CTNNA2: variants seen among roughly 807,000 people sequenced by gnomAD.
CTNNA2 encodes catenin alpha-2.
CTNNA2 carries 42 observed loss-of-function variants against 101.0 expected under a neutral mutation model. That is an observed-to-expected ratio of 0.42 (90% CI 0.32 to 0.54). The LOEUF (loss-of-function observed/expected upper bound fraction) is 0.54, where lower values mean the gene tolerates loss of function less well. CTNNA2 is among the 20% of genes least tolerant of loss of function. The pLI is 0.14. For missense variants in CTNNA2, 871 were observed against 1,223.1 expected (o/e 0.71, Z 4.29); for synonymous variants, 450 against 456.4 (o/e 0.99, Z 0.18).
chr2:80,191,835 T>C (rs1706525167), intron 7 of CTNNA2, among the ~76,000 whole-genome samples: 1 of 152,284 alleles, frequency 6.6e-6, no homozygotes, highest in Middle Eastern at 3.4e-3. Flanking sequence ...TTAGTTCAGT[T>C]TACTGAAAAC....
chr2:79,715,223 A>C (rs1686010244), intron 2 of CTNNA2, among the ~76,000 whole-genome samples: 1 of 150,450 alleles, frequency 6.6e-6, no homozygotes, highest in South Asian at 2.1e-4. Context: ...AAAAAAAAAA[A>C]AAAAAACCCA....
intron 1 of CTNNA2, among the ~76,000 whole-genome samples, chr2:79,592,859 CAAG>C (rs1018590375): frequency 1.3e-5 from 2 of 152,152 alleles, no homozygotes; most frequent in South Asian, 2.1e-4. Context: ...TTCTGATTTG[CAAG>C]AAGAACTGAC....
At chr2:79,242,987 T>TACACACACAC (rs1409038168) in intron 2 of CTNNA2, among the ~76,000 whole-genome samples, 6 of 54,436 alleles carry the variant, frequency 1.1e-4, no homozygotes, top group Admixed American at 8.1e-4. Context: ...TATATATATA[T>TACACACACAC]ATATATACAC....
chr2:79,886,879 T>C (rs1683921180), intron 6 of CTNNA2, among the ~76,000 whole-genome samples: 1 of 150,552 alleles, frequency 6.6e-6, no homozygotes, highest in Non-Finnish European at 1.5e-5. Flanking sequence ...CAGGCTGGAG[T>C]GCAGTGGCAT....
At chr2:79,783,723 G>T (rs1436948342) in intron 3 of CTNNA2, among the ~76,000 whole-genome samples, 1 of 152,070 alleles carries the variant, frequency 6.6e-6, no homozygotes, top group Non-Finnish European at 1.5e-5. Context: ...CTGCCAACAT[G>T]TATCTTCTCA....
chr2:80,512,128 CAACA>C (rs1688750936), intron 9 of CTNNA2, among the ~76,000 whole-genome samples: 1 of 113,070 alleles, frequency 8.8e-6, no homozygotes, highest in East Asian at 2.7e-4. Flanking sequence ...CCAGCCTGGG[CAACA>C]GAGCAACACT....
intron 3 of CTNNA2, among the ~76,000 whole-genome samples, chr2:79,356,718 C>T (rs2104443300): frequency 6.6e-6 from 1 of 152,206 alleles, no homozygotes. Context: ...AAGAAAAGTC[C>T]ACCATCTAGA....
chr2:80,094,391 C>T (rs1254921637), intron 7 of CTNNA2, among the ~76,000 whole-genome samples: 1 of 152,148 alleles, frequency 6.6e-6, no homozygotes, highest in Non-Finnish European at 1.5e-5. Context: ...CAGTACCATG[C>T]TGTTTTGGTT....
intron 1 of CTNNA2, among the ~76,000 whole-genome samples, chr2:79,610,856 C>T (rs954468215): frequency 6.6e-5 from 10 of 151,924 alleles, no homozygotes; most frequent in African/African-American, 2.4e-4. Flanking sequence ...TTCTTTTGTA[C>T]TAGAATAAAG....
intron 9 of CTNNA2, among the ~76,000 whole-genome samples, chr2:80,497,988 T>G (rs182806479): frequency 3.3e-5 from 5 of 152,180 alleles, no homozygotes; most frequent in Non-Finnish European, 7.3e-5. Context: ...CTCCTAACCA[T>G]GGAAACTGTG....
intron 7 of CTNNA2, among the ~76,000 whole-genome samples, chr2:80,305,732 G>T (rs975976588): frequency 6.6e-6 from 1 of 151,916 alleles, no homozygotes; most frequent in Non-Finnish European, 1.5e-5. Context: ...GTGCCTACTG[G>T]TCTGTAGAGG....
intron 6 of CTNNA2, among the ~76,000 whole-genome samples, chr2:79,886,314 A>G (rs565385457): frequency 6.6e-6 from 1 of 152,160 alleles, no homozygotes; most frequent in Non-Finnish European, 1.5e-5. Flanking sequence ...TAAAGCCTGC[A>G]TAAAGTGATT....
intron 7 of CTNNA2, among the ~76,000 whole-genome samples, chr2:80,171,045 A>G (rs1232638796): frequency 6.6e-6 from 1 of 152,242 alleles, no homozygotes; most frequent in Non-Finnish European, 1.5e-5. Flanking sequence ...CTGTGTAAAT[A>G]CTAGCTCTGA....
At chr2:79,554,218 T>A (rs191910664) in intron 1 of CTNNA2, among the ~76,000 whole-genome samples, 2,833 of 152,070 alleles carry the variant, frequency 0.019, 39 homozygotes, top group Non-Finnish European at 0.028. Context: ...TTTTTTTTTT[T>A]AAAACACAAA....
At chr2:79,616,269 G>A (rs1028317022) in intron 1 of CTNNA2, among the ~76,000 whole-genome samples, 2 of 152,080 alleles carry the variant, frequency 1.3e-5, no homozygotes, top group East Asian at 3.9e-4. Context: ...AATATGCATA[G>A]TAAGAACATT....
intron 12 of CTNNA2, among the ~76,000 whole-genome samples, chr2:80,565,798 G>A (rs932987141): frequency 6.6e-6 from 1 of 152,052 alleles, no homozygotes; most frequent in African/African-American, 2.4e-5. Context: ...CTAGAGTACT[G>A]CTTAGATTTG....
chr2:80,223,343 C>T (rs1201939309), intron 7 of CTNNA2, among the ~76,000 whole-genome samples: 11 of 152,196 alleles, frequency 7.2e-5, no homozygotes, highest in Non-Finnish European at 1.5e-4. Context: ...GGCGCAATCT[C>T]GGCTCACAGC....
At position 80,557,170 on chromosome 2, in the gene CTNNA2, T is replaced by A. The variant is rs561021982; in HGVS notation, c.1741+1277T>A. On this transcript the variant is annotated intron_variant, in intron 12 of 18. Transcript: ENST00000402739. ...TCTAGAGACTGTTGCCCTTGGAACA[T>A]CCTTACAGACTTAGACTTAGACATA... Among the ~76,000 whole-genome samples, 19 of 152,260 alleles carry A rather than the reference T, an allele frequency of 1.2e-4. 1 individual carries two copies. In the South Asian group the frequency reaches 3.7e-3, roughly 30 times the overall value.
chr2:79,341,773 G>A (rs961820984), intron 3 of CTNNA2, among the ~76,000 whole-genome samples: 2 of 152,136 alleles, frequency 1.3e-5, no homozygotes, highest in African/African-American at 2.4e-5. Context: ...CATTGAATGC[G>A]CAGGTGTCAC....
Sources: gnomAD v4.1 joint callset for allele counts (sites outside exome capture counted in the v4.1 genomes callset) on GRCh38, gnomAD v4.1.1 for gene constraint, MANE v1.5 for transcripts, NCBI Gene and HGNC (gene_info 2026-07-23, HGNC 2026-07-21) for gene names.